AGBL4: variants seen among roughly 807,000 people sequenced by gnomAD.
AGBL4 encodes cytosolic carboxypeptidase 6.
AGBL4 carries 58 observed loss-of-function variants against 66.4 expected under a neutral mutation model. The ratio of observed to expected loss-of-function variants is 0.87; its 90% CI spans 0.71 to 1.09. The LOEUF is 1.09. AGBL4 is among the 50% of genes least tolerant of loss of function. The pLI, the probability that AGBL4 is intolerant of heterozygous loss-of-function variation, is 0.00. For missense variants in AGBL4, 579 were observed against 631.0 expected (o/e 0.92, Z 0.88); for synonymous variants, 234 against 222.9 (o/e 1.05, Z -0.44).
chr1:49,922,030 A>C (rs1652312930), intron 1 of AGBL4, among the ~76,000 whole-genome samples: 1 of 152,216 alleles, frequency 6.6e-6, no homozygotes. Context: ...AAGAAATGAA[A>C]ATTTTCTACC....
intron 3 of AGBL4, among the ~76,000 whole-genome samples, chr1:49,553,955 T>C (rs552202892): frequency 4.6e-5 from 7 of 152,170 alleles, no homozygotes; most frequent in South Asian, 4.2e-4. Flanking sequence ...CTGAGCAACA[T>C]AGTGGGATCC....
At chr1:48,871,351 G>GTTT (rs1324218562) in intron 5 of AGBL4, among the ~76,000 whole-genome samples, 1 of 130,500 alleles carries the variant, frequency 7.7e-6, no homozygotes, top group East Asian at 2.8e-4. Context: ...GTGTAGTAGT[G>GTTT]GTTGTGTGTG....
At chr1:49,752,696 T>G (rs4926540) in intron 2 of AGBL4, among the ~76,000 whole-genome samples, 103,791 of 152,008 alleles carry the variant, frequency 0.68, 36,144 homozygotes, top group African/African-American at 0.77. Context: ...TATTGTGTGG[T>G]AGTCTAAGTC....
chr1:48,822,674 A>G (rs1300690861), intron 6 of AGBL4, among the ~76,000 whole-genome samples: 1 of 152,180 alleles, frequency 6.6e-6, no homozygotes, highest in African/African-American at 2.4e-5. Context: ...GATTCCTCCA[A>G]ATAAACAAAC....
chr1:49,277,480 A>G (rs189133378), intron 3 of AGBL4, among the ~76,000 whole-genome samples: 1 of 152,134 alleles, frequency 6.6e-6, no homozygotes, highest in Non-Finnish European at 1.5e-5. Context: ...CCTGAGTTCA[A>G]AACTTGTCTC....
intron 3 of AGBL4, among the ~76,000 whole-genome samples, chr1:49,619,322 A>T (rs1244116436): frequency 6.6e-6 from 1 of 152,198 alleles, no homozygotes; most frequent in Non-Finnish European, 1.5e-5. Flanking sequence ...CTATACACCA[A>T]TAATAGGCAA....
chr1:49,881,807 G>T (rs1158999946), intron 1 of AGBL4, among the ~76,000 whole-genome samples: 2 of 151,496 alleles, frequency 1.3e-5, no homozygotes, highest in African/African-American at 4.9e-5. Context: ...AGATGAGTAG[G>T]TTGCGAAAAT....
chr1:50,012,269 C>G (rs577701372), intron 1 of AGBL4, among the ~76,000 whole-genome samples: 1 of 150,666 alleles, frequency 6.6e-6, no homozygotes, highest in Non-Finnish European at 1.5e-5. Context: ...AGACCTACCA[C>G]AAGACCTGCT....
intron 6 of AGBL4, among the ~76,000 whole-genome samples, chr1:48,669,532 G>T (rs369522): frequency 0.53 from 80,586 of 151,888 alleles, 21,895 homozygotes; most frequent in Middle Eastern, 0.65. Flanking sequence ...AGGCAAAATA[G>T]CCCCCAGTCA....
intron 1 of AGBL4, among the ~76,000 whole-genome samples, chr1:49,916,505 G>A (rs1651515388): frequency 6.6e-6 from 1 of 152,184 alleles, no homozygotes; most frequent in Non-Finnish European, 1.5e-5. Flanking sequence ...TCAAATGAAT[G>A]AAATGAAGTG....
chr1:49,359,014 T>A (rs1644079407), intron 3 of AGBL4, among the ~76,000 whole-genome samples: 1 of 151,752 alleles, frequency 6.6e-6, no homozygotes, highest in African/African-American at 2.4e-5. Context: ...TTTTATTACT[T>A]ATGTATTAAT....
intron 1 of AGBL4, among the ~76,000 whole-genome samples, chr1:49,937,839 C>G (rs1167042032): frequency 1.3e-5 from 2 of 152,002 alleles, no homozygotes; most frequent in East Asian, 3.9e-4. Context: ...ACATTCAAAG[C>G]AGTGTGTAGA....
At chr1:48,542,499 A>T (rs988406320) in intron 11 of AGBL4, among the ~76,000 whole-genome samples, 4 of 152,198 alleles carry the variant, frequency 2.6e-5, no homozygotes, top group Middle Eastern at 3.2e-3. Context: ...CCTCTCCAGC[A>T]TCTGTTGTTT....
At chr1:48,778,904 T>A (rs1645213101) in intron 6 of AGBL4, among the ~76,000 whole-genome samples, 1 of 152,172 alleles carries the variant, frequency 6.6e-6, no homozygotes, top group Admixed American at 6.5e-5. Context: ...ACTGGTTATG[T>A]GGTACAGCCA....
chr1:49,412,651 G>A (rs1645341315), intron 3 of AGBL4, among the ~76,000 whole-genome samples: 1 of 152,022 alleles, frequency 6.6e-6, no homozygotes, highest in Non-Finnish European at 1.5e-5. Flanking sequence ...ACTCTCCACT[G>A]GCCAGAAAAT....
chr1:49,114,914 A>T (rs1477788143), intron 4 of AGBL4, among the ~76,000 whole-genome samples: 1 of 152,210 alleles, frequency 6.6e-6, no homozygotes, highest in African/African-American at 2.4e-5. Context: ...ACCATAGCAG[A>T]TATAATAATA....
At chr1:48,593,754 AAAAT>A (rs935614321) in intron 9 of AGBL4, among the ~76,000 whole-genome samples, 1 of 152,124 alleles carries the variant, frequency 6.6e-6, no homozygotes, top group African/African-American at 2.4e-5. Flanking sequence ...CCGTCTCAAA[AAAAT>A]AAATAAATAA....
chr1:48,848,795 T>C (rs1401487760), intron 6 of AGBL4, among the ~76,000 whole-genome samples: 1 of 152,136 alleles, frequency 6.6e-6, no homozygotes, highest in Non-Finnish European at 1.5e-5. Flanking sequence ...AAAGGTCAGT[T>C]AGTTAGAAAT....
rs543727223 is a variant in AGBL4 at position 49,982,639 on chromosome 1, C to T, written c.34+41124G>A. On this transcript the variant is annotated intron_variant, in intron 1 of 13. Transcript: ENST00000371839. ...GGAGCCAGGCTGCCAGTCCCGTGGA[C>T]CAGAGTGGGGACTTACGGTGCTTTT... Among the ~76,000 whole-genome samples the T allele has an allele frequency of 2.5e-4, 38 of 152,288 alleles. No homozygotes were observed. The East Asian group carries it at 7.4e-3, about 29-fold the overall frequency.
Sources: gnomAD v4.1 joint callset for allele counts (sites outside exome capture counted in the v4.1 genomes callset) on GRCh38, gnomAD v4.1.1 for gene constraint, MANE v1.5 for transcripts, NCBI Gene and HGNC (gene_info 2026-07-23, HGNC 2026-07-21) for gene names.